The following ANKRD30A variants were observed in gnomAD, a reference collection of about 807,000 sequenced individuals.
ANKRD30A encodes the protein ankyrin repeat domain 30A.
ANKRD30A carries 170 observed loss-of-function variants against 166.3 expected under a neutral mutation model. The observed-to-expected ratio is 1.02, with a 90% confidence interval of 0.90 to 1.16. The LOEUF is 1.16. ANKRD30A is among the 50% of genes most tolerant of loss of function. The pLI is 0.00. For missense variants in ANKRD30A, 1,630 were observed against 1,518.0 expected, an observed-to-expected ratio of 1.07 and a Z score of -1.23; for synonymous variants, 564 against 508.9, an observed-to-expected ratio of 1.11 and a Z score of -1.46.
intron 18 of ANKRD30A, among the ~76,000 whole-genome samples, chr10:37,166,271 T>A (rs1422218156): frequency 6.6e-6 from 1 of 152,202 alleles, no homozygotes; most frequent in East Asian, 1.9e-4. Context: ...GTCTTATTTA[T>A]TTTTGATGAG....
chr10:37,247,309 TC>T, the ANKRD30A span, among the ~76,000 whole-genome samples: 1 of 152,198 alleles, frequency 6.6e-6, no homozygotes, highest in African/African-American at 2.4e-5. Flanking sequence ...ACATCAGCCC[TC>T]ATTTTACACG....
At chr10:37,192,634 T>G (rs1840695726) in intron 25 of ANKRD30A, among the ~76,000 whole-genome samples, 1 of 152,054 alleles carries the variant, frequency 6.6e-6, no homozygotes, top group Non-Finnish European at 1.5e-5. Context: ...TATATTGACA[T>G]CAGTGATTCT....
chr10:37,260,897 G>A, the ANKRD30A span, among the ~76,000 whole-genome samples: 1 of 152,154 alleles, frequency 6.6e-6, no homozygotes, highest in Non-Finnish European at 1.5e-5. Flanking sequence ...GGGAACATGA[G>A]AAGGGAGGGA....
intron 31 of ANKRD30A, among the ~76,000 whole-genome samples, chr10:37,207,044 C>T (rs1261804682): frequency 6.6e-6 from 1 of 151,782 alleles, no homozygotes; most frequent in African/African-American, 2.4e-5. Context: ...TTTATATGCC[C>T]TCTTACATGA....
At chr10:37,127,675 C>G (rs1432647074) in intron 1 of ANKRD30A, among the ~76,000 whole-genome samples, 2 of 152,076 alleles carry the variant, frequency 1.3e-5, no homozygotes, top group African/African-American at 4.8e-5. Flanking sequence ...TGCAACTGAC[C>G]TATGCACACA....
intron 6 of ANKRD30A, among the ~76,000 whole-genome samples, chr10:37,140,571 AC>A (rs1345052497): frequency 3.3e-5 from 5 of 152,226 alleles, no homozygotes; most frequent in Non-Finnish European, 5.9e-5. Flanking sequence ...AGATATATTT[AC>A]TTCATTAAAA....
chr10:37,179,006 G>A (rs1839956551), intron 24 of ANKRD30A, among the ~76,000 whole-genome samples: 1 of 133,864 alleles, frequency 7.5e-6, no homozygotes, highest in Non-Finnish European at 1.6e-5. Context: ...ATTACTATGA[G>A]GCGTCAAATA....
At chr10:37,153,926 T>C (rs1468450149) in intron 13 of ANKRD30A, among the ~76,000 whole-genome samples, 2 of 152,150 alleles carry the variant, frequency 1.3e-5, no homozygotes, top group Admixed American at 6.6e-5. Context: ...AAGAAGAATG[T>C]AGTAATAGAG....
chr10:37,235,765 CTT>C (rs947216787), downstream of ANKRD30A, among the ~76,000 whole-genome samples: 14 of 114,934 alleles, frequency 1.2e-4, no homozygotes, highest in East Asian at 2.6e-4. Context: ...ATTTCATTCT[CTT>C]TTTTTTTTTT....
chr10:37,125,852 G>A lies in ANKRD30A; in HGVS notation c.65G>A (p.Ser22Asn). The change falls in exon 1 of 36, where the codon AGC becomes AAC. Residue 22 changes from serine (S) to asparagine (N), a missense_variant. Around this residue, in one of 4 missense-constraint regions of ANKRD30A, gnomAD observed 904 missense variants for 818.5 expected, o/e 1.10. Coordinates refer to ENST00000361713, the MANE Select transcript of ANKRD30A (RefSeq NM_052997.3). ...GGCCCGGAGCGCCCGAGCCCTTTCA[G>A]CCAGCTAGTCTATACCAGCAACGAC... is the stretch of plus-strand genomic sequence containing the variant. ...VPGPERPSPFSQLVYTSNDSY... is the reference protein window; with the variant it reads ...VPGPERPSPFNQLVYTSNDSY... 1 of 1,308,430 alleles carries A rather than the reference G, an allele frequency of 7.6e-7. No individual in the cohort carries two copies. The highest frequency in any genetic ancestry group is 1.1e-6 in the Non-Finnish European group (1 of 922,772). The allele number at this position is 1,308,430 out of a possible 1,614,324, so 81.1% of individuals were successfully genotyped here.
chr10:37,193,937 G>A (rs1840825310), intron 27 of ANKRD30A, among the ~76,000 whole-genome samples: 1 of 152,166 alleles, frequency 6.6e-6, no homozygotes, highest in South Asian at 2.1e-4. Context: ...GCACGTGCCT[G>A]TAATGATAGC....
chr10:37,130,734 A>G (rs2132507602), intron 3 of ANKRD30A, among the ~76,000 whole-genome samples: 1 of 152,320 alleles, frequency 6.6e-6, no homozygotes, highest in Admixed American at 6.5e-5. Context: ...ACATGCAGAA[A>G]TCTGGATTTC....
chr10:37,148,073 C>T lies in ANKRD30A; in HGVS notation c.1543+616C>T, dbSNP rs549676813. Among the ~76,000 whole-genome samples the T allele has an allele frequency of 3.4e-5, 5 of 146,638 alleles. No individual in the cohort carries two copies. In the South Asian group the frequency reaches 6.6e-4, roughly 19 times the overall value. On this transcript the variant is annotated intron_variant, in intron 9 of 35. Transcript: ENST00000361713. ...CATATACACTCAGTATAGACAAATA[C>T]TTATGAAACATTAGAAAATCAGCTG...
Position 37,162,826 on chromosome 10 carries a change from A to G in ANKRD30A, c.1980A>G (p.Lys660=), listed in dbSNP as rs41276128. Residue 660 remains lysine (K), a synonymous_variant, in exon 17 of 36, where the codon AAA becomes AAG. Coordinates refer to ENST00000361713, the MANE Select transcript of ANKRD30A (RefSeq NM_052997.3). The part of the protein sequence containing the change: ...KSVPNKALEL[K]NEQTLRADEI... ...TCCCAAATAAAGCCTTGGAATTGAA[A>G]AATGAACAAACATTGAGAGCAGGTA... 6.5e-3 allele frequency: 10,437 copies of G among 1,613,570 alleles called. 45 individuals are homozygous for G. Among genetic ancestry groups the G allele is most frequent in the Middle Eastern group, 0.011 (68 of 5,986 alleles).
At chr10:37,195,565 A>G (rs1356255036) in intron 27 of ANKRD30A, among the ~76,000 whole-genome samples, 2 of 152,194 alleles carry the variant, frequency 1.3e-5, no homozygotes, top group Non-Finnish European at 2.9e-5. Flanking sequence ...ACATTACTTT[A>G]GAAAACATAA....
intron 31 of ANKRD30A, among the ~76,000 whole-genome samples, chr10:37,214,717 A>G (rs1320024592): frequency 1.3e-5 from 2 of 151,316 alleles, no homozygotes; most frequent in African/African-American, 2.4e-5. Flanking sequence ...TTACCTCATC[A>G]CAACCCATCT....
intron 9 of ANKRD30A, among the ~76,000 whole-genome samples, chr10:37,149,214 A>T (rs1837727755): frequency 6.6e-6 from 1 of 152,020 alleles, no homozygotes; most frequent in Non-Finnish European, 1.5e-5. Context: ...AATTCATAAC[A>T]CTTCACTGAT....
chr10:37,203,819 T>C (rs543537995), intron 31 of ANKRD30A, among the ~76,000 whole-genome samples: 2 of 152,202 alleles, frequency 1.3e-5, no homozygotes, highest in East Asian at 1.9e-4. Flanking sequence ...TGTGCAAAAA[T>C]CACAAGCACT....
At chr10:37,213,114 C>T (rs1429371339) in intron 31 of ANKRD30A, among the ~76,000 whole-genome samples, 5 of 151,700 alleles carry the variant, frequency 3.3e-5, no homozygotes, top group Admixed American at 2.0e-4. Flanking sequence ...ATCATTTTTG[C>T]GTTTTATTCG....
Sources: allele counts gnomAD v4.1 joint callset (sites outside exome capture counted in the v4.1 genomes callset), GRCh38; gene constraint gnomAD v4.1.1; regional missense constraint gnomAD v4.1.1; transcripts MANE v1.5; gene names NCBI Gene and HGNC (gene_info 2026-07-23, HGNC 2026-07-21).